TMEFF1: variants seen among roughly 807,000 people sequenced by gnomAD.
TMEFF1 encodes tomoregulin-1.
TMEFF1 carries 20 observed loss-of-function variants against 47.5 expected under a neutral mutation model. The observed-to-expected ratio is 0.42, with a 90% confidence interval of 0.30 to 0.61. The LOEUF is 0.61. Ranked by LOEUF, TMEFF1 falls within the 20% of genes least tolerant of loss-of-function variation. The pLI, the probability that TMEFF1 is intolerant of heterozygous loss-of-function variation, is 0.19. For synonymous variants in TMEFF1, 162 were observed against 166.3 expected, an observed-to-expected ratio of 0.97 and a Z score of 0.20; for missense variants, 411 against 471.1, an observed-to-expected ratio of 0.87 and a Z score of 1.18.
At chr9:100,516,019 A>C (rs1838065575) in intron 4 of TMEFF1, among the ~76,000 whole-genome samples, 1 of 151,862 alleles carries the variant, frequency 6.6e-6, no homozygotes, top group Non-Finnish European at 1.5e-5. Flanking sequence ...GGCTGGAGGT[A>C]TTTAGTGTTT....
chr9:100,562,618 G>GTTTT (rs368162371), intron 8 of TMEFF1, among the ~76,000 whole-genome samples: 1 of 144,750 alleles, frequency 6.9e-6, no homozygotes, highest in East Asian at 2.0e-4. Context: ...AACAGGCCAG[G>GTTTT]TTTTTTTTTT....
At chr9:100,498,186 T>C (rs948388539) in intron 1 of TMEFF1, among the ~76,000 whole-genome samples, 9 of 152,144 alleles carry the variant, frequency 5.9e-5, no homozygotes, top group South Asian at 2.1e-4. Flanking sequence ...AAGTTTTAAG[T>C]CTAGTAAGAT....
At chr9:100,546,512 C>A (rs1321270120) in intron 5 of TMEFF1, among the ~76,000 whole-genome samples, 3 of 151,846 alleles carry the variant, frequency 2.0e-5, no homozygotes, top group South Asian at 2.1e-4. Context: ...AGGACACAGC[C>A]AAACCACATC....
chr9:100,531,756 C>T (rs1838383162), intron 5 of TMEFF1, among the ~76,000 whole-genome samples: 1 of 152,132 alleles, frequency 6.6e-6, no homozygotes, highest in Non-Finnish European at 1.5e-5. Flanking sequence ...TCATATGGAA[C>T]CGAAAAAGAG....
intron 9 of TMEFF1, among the ~76,000 whole-genome samples, chr9:100,574,025 TAGTA>T (rs1418014856): frequency 6.6e-6 from 1 of 152,260 alleles, no homozygotes; most frequent in African/African-American, 2.4e-5. Context: ...GTCATCCGAC[TAGTA>T]AGTGGAATTG....
intron 5 of TMEFF1, among the ~76,000 whole-genome samples, chr9:100,533,534 A>G (rs1838442074): frequency 6.6e-6 from 1 of 152,136 alleles, no homozygotes; most frequent in African/African-American, 2.4e-5. Context: ...GCCTGCAGAA[A>G]AGCTTGCGTT....
chr9:100,510,744 G>C (rs1236671111), intron 3 of TMEFF1, among the ~76,000 whole-genome samples: 2 of 152,088 alleles, frequency 1.3e-5, no homozygotes, highest in Non-Finnish European at 2.9e-5. Context: ...CAAAGTGCTG[G>C]GATTACAGGT....
intron 5 of TMEFF1, among the ~76,000 whole-genome samples, chr9:100,540,950 A>T (rs762369973): frequency 1.3e-5 from 2 of 151,890 alleles, no homozygotes; most frequent in African/African-American, 4.8e-5. Flanking sequence ...TGTATTCTGG[A>T]TACTACTTAT....
chr9:100,556,367 C>T (rs1838914669), intron 7 of TMEFF1, among the ~76,000 whole-genome samples: 3 of 152,122 alleles, frequency 2.0e-5, no homozygotes, highest in Admixed American at 2.0e-4. Flanking sequence ...GTATTACAAG[C>T]ATCTTCAATA....
chr9:100,526,556 G>C (rs554307388), intron 5 of TMEFF1, among the ~76,000 whole-genome samples: 3 of 151,884 alleles, frequency 2.0e-5, no homozygotes, highest in Non-Finnish European at 2.9e-5. Flanking sequence ...TTTGTTTTCA[G>C]AGTACTCATT....
chr9:100,496,647 G>A (rs1837654544), intron 1 of TMEFF1, among the ~76,000 whole-genome samples: 1 of 152,164 alleles, frequency 6.6e-6, no homozygotes, highest in African/African-American at 2.4e-5. Context: ...TGTGACTCCT[G>A]GTGGCAGGGA....
intron 5 of TMEFF1, among the ~76,000 whole-genome samples, chr9:100,535,499 G>T (rs1838485796): frequency 6.6e-6 from 1 of 152,196 alleles, no homozygotes; most frequent in South Asian, 2.1e-4. Flanking sequence ...GGCTGAATGT[G>T]GTGGCTCACA....
At position 100,514,716 on chromosome 9, in the gene TMEFF1, C is replaced by T. The variant is rs760150080; in HGVS notation, c.463+1383C>T. On this transcript the variant is annotated intron_variant, in intron 4 of 9. Coordinates refer to ENST00000374879, the MANE Select transcript of TMEFF1 (RefSeq NM_003692.5). ...AAAAAAAAAAAAAAAAACAAAAGGC[C>T]GGGCACAGTGGCTCATGCCTGTAAT... 2.7e-4 allele frequency among the ~76,000 whole-genome samples: 41 copies of T among 150,240 alleles called. 1 individual carries two copies. The highest frequency in any genetic ancestry group is 4.6e-4 in the Non-Finnish European group (31 of 67,684).
chr9:100,519,883 A>G (rs1162791633), intron 5 of TMEFF1, among the ~76,000 whole-genome samples: 1 of 151,942 alleles, frequency 6.6e-6, no homozygotes, highest in Non-Finnish European at 1.5e-5. Context: ...ATACATTTGC[A>G]TTGTTATCCA....
At chr9:100,554,491 C>A (rs57248313) in intron 7 of TMEFF1, among the ~76,000 whole-genome samples, 1 of 151,962 alleles carries the variant, frequency 6.6e-6, no homozygotes, top group African/African-American at 2.4e-5. Flanking sequence ...GGCCTTGGTA[C>A]ATCAGGAAGA....
At chr9:100,513,167 AAAT>A in intron 3 of TMEFF1, 137 bp from the exon 4 acceptor site, 1 of 1,166,174 alleles carries the variant, frequency 8.6e-7, no homozygotes, top group Non-Finnish European at 1.2e-6. Flanking sequence ...ATGTAAGAAT[AAAT>A]AAGATATCAA....
chr9:100,574,606 G>A (rs1280324487), intron 9 of TMEFF1, among the ~76,000 whole-genome samples: 1 of 151,878 alleles, frequency 6.6e-6, no homozygotes, highest in Admixed American at 6.6e-5. Context: ...TCAACTCCTA[G>A]GCTCAAGTGA....
Position 100,473,887 on chromosome 9 carries a change from C to T in TMEFF1, c.196+147C>T, listed in dbSNP as rs1837169082. 5.8e-6 allele frequency: 6 copies of T among 1,032,494 alleles called. No homozygotes were observed. The South Asian group carries it at 1.4e-4, about 25-fold the overall frequency. The allele number at this position is 1,032,494 out of a possible 1,614,324, so 64.0% of individuals were successfully genotyped here. On this transcript the variant is annotated intron_variant, in intron 1 of 9. Transcript: ENST00000374879. This position sits in a 1 kb window ranked among gnomAD's most constrained non-coding sequence, Gnocchi z 5.4. Reference sequence around the variant, plus strand: ...GGGTGAGCGAGGGCGGAGGGCAGGGCGCGAGCGTGCGGTGTGGCTTTGGGA... The same window carrying T: ...GGGTGAGCGAGGGCGGAGGGCAGGGTGCGAGCGTGCGGTGTGGCTTTGGGA...
rs551314662 is a variant in TMEFF1 at position 100,555,012 on chromosome 9, A to T, written c.775+4852A>T. ...AGCCTTTGCAGATAAGCCATCTGGT[A>T]CTGGGTTTTTTCATAACATCATCCC... is the stretch of plus-strand genomic sequence containing the variant. On this transcript the variant is annotated intron_variant, in intron 7 of 9. Coordinates refer to ENST00000374879, the MANE Select transcript of TMEFF1 (RefSeq NM_003692.5). Among the ~76,000 whole-genome samples the T allele has an allele frequency of 3.3e-5, 5 of 152,272 alleles. No homozygotes were observed. In the South Asian group the frequency reaches 1.0e-3, roughly 32 times the overall value.
Sources: allele counts gnomAD v4.1 joint callset (sites outside exome capture counted in the v4.1 genomes callset), GRCh38; gene constraint gnomAD v4.1.1; non-coding constraint Gnocchi (gnomAD v3.1); transcripts MANE v1.5; gene names NCBI Gene and HGNC (gene_info 2026-07-23, HGNC 2026-07-21).